The following SHQ1 variants were observed in gnomAD, a reference collection of about 807,000 sequenced individuals.
SHQ1 encodes protein SHQ1 homolog.
SHQ1 carries 49 observed loss-of-function variants against 53.8 expected under a neutral mutation model. That is an observed-to-expected ratio of 0.91 (90% CI 0.72 to 1.16). SHQ1 has a LOEUF of 1.16. Ranked by LOEUF, SHQ1 falls within the 50% of genes most tolerant of loss-of-function variation. The probability of loss-of-function intolerance (pLI) is 0.00; values close to 1 mark genes in which losing one functional copy is unlikely to be tolerated. For synonymous variants in SHQ1, 243 were observed against 251.0 expected, an observed-to-expected ratio of 0.97 and a Z score of 0.30; for missense variants, 738 against 683.1, an observed-to-expected ratio of 1.08 and a Z score of -0.90.
chr3:72,816,244 T>C (rs1012042282), intron 7 of SHQ1, among the ~76,000 whole-genome samples: 3 of 152,138 alleles, frequency 2.0e-5, no homozygotes, highest in African/African-American at 7.2e-5. Flanking sequence ...GTATACACGT[T>C]AGGACCTAAG....
At chr3:72,822,509 T>C (rs1387555436) in intron 6 of SHQ1, among the ~76,000 whole-genome samples, 1 of 152,204 alleles carries the variant, frequency 6.6e-6, no homozygotes. Flanking sequence ...AGTTAGAATT[T>C]AAATCAAAGG....
At chr3:72,847,097 G>C (rs974722726) in intron 1 of SHQ1, among the ~76,000 whole-genome samples, 1 of 152,116 alleles carries the variant, frequency 6.6e-6, no homozygotes, top group African/African-American at 2.4e-5. Context: ...GTACATGAGG[G>C]CAGGACTTTG....
At chr3:72,833,392 G>C (rs1026354401) in intron 4 of SHQ1, among the ~76,000 whole-genome samples, 1 of 152,106 alleles carries the variant, frequency 6.6e-6, no homozygotes, top group African/African-American at 2.4e-5. Flanking sequence ...AGTGAGCCAA[G>C]ATCATGCCAC....
the SHQ1 span, among the ~76,000 whole-genome samples, chr3:72,741,186 C>T: frequency 2.6e-5 from 4 of 152,206 alleles, no homozygotes; most frequent in Admixed American, 6.5e-5. Flanking sequence ...ACCCCACAGT[C>T]GGCCCTTGGG....
chr3:72,792,221 T>TAC (rs1706460317), intron 10 of SHQ1, among the ~76,000 whole-genome samples: 1 of 152,188 alleles, frequency 6.6e-6, no homozygotes, highest in South Asian at 2.1e-4. Context: ...CACATACATC[T>TAC]ACACACACTC....
chr3:72,827,345 A>G (rs1707691468), intron 5 of SHQ1, among the ~76,000 whole-genome samples: 2 of 152,076 alleles, frequency 1.3e-5, no homozygotes, highest in Admixed American at 6.5e-5. Context: ...TAAACCAAGA[A>G]GAGGATAAAA....
intron 5 of SHQ1, among the ~76,000 whole-genome samples, chr3:72,827,936 T>C (rs916711798): frequency 2.0e-5 from 3 of 151,958 alleles, no homozygotes; most frequent in African/African-American, 7.2e-5. Flanking sequence ...TTTGTATTTT[T>C]AGTAGAGATG....
At chr3:72,759,827 G>A (rs1705572909) in intron 10 of SHQ1, among the ~76,000 whole-genome samples, 1 of 152,168 alleles carries the variant, frequency 6.6e-6, no homozygotes, top group Non-Finnish European at 1.5e-5. Context: ...CTCAAAAACA[G>A]CAAAGAATGA....
intron 10 of SHQ1, among the ~76,000 whole-genome samples, chr3:72,784,159 A>G (rs1706155683): frequency 7.0e-6 from 1 of 142,370 alleles, no homozygotes. Flanking sequence ...GATACAAATT[A>G]CAAATTAAAA....
chr3:72,764,606 T>C (rs971081869), intron 10 of SHQ1, among the ~76,000 whole-genome samples: 5 of 152,244 alleles, frequency 3.3e-5, no homozygotes, highest in African/African-American at 1.2e-4. Context: ...ATGGCTAATA[T>C]TTAGTTTCTT....
At chr3:72,813,749 A>C (rs1474316604) in intron 8 of SHQ1, among the ~76,000 whole-genome samples, 5 of 140,988 alleles carry the variant, frequency 3.5e-5, no homozygotes, top group African/African-American at 1.3e-4. Context: ...TGACAGAGCG[A>C]GACACCATCT....
At chr3:72,754,384 C>CTTT (rs376060192) in intron 10 of SHQ1, among the ~76,000 whole-genome samples, 1 of 140,940 alleles carries the variant, frequency 7.1e-6, no homozygotes, top group African/African-American at 2.7e-5. Context: ...TTTTCTTCTT[C>CTTT]TTTTTTTTTT....
At position 72,846,499 on chromosome 3, in the gene SHQ1, T is replaced by C. The variant is rs1015264043; in HGVS notation, c.143+1699A>G. The stretch of plus-strand genomic sequence containing the variant: ...TTTTAGTACAGATGGGGTTTAACCA[T>C]GTTGGTCAGGCCGGTCTCAAACTCC... On this transcript the variant is annotated intron_variant, in intron 1 of 10. Coordinates refer to ENST00000325599, the MANE Select transcript of SHQ1 (RefSeq NM_018130.3). 9.1e-6 allele frequency: 5 copies of C among 551,624 alleles called. No homozygotes were observed. In the African/African-American group the frequency reaches 9.4e-5, roughly 10 times the overall value. 34.2% of individuals were successfully genotyped at this position (551,624 alleles called of 1,614,324 possible). A position where few individuals can be genotyped will look rare whatever the true frequency, so the allele number is the denominator to read the frequency against.
intron 8 of SHQ1, among the ~76,000 whole-genome samples, 171 bp downstream of exon 8, chr3:72,815,179 T>C (rs769006219): frequency 7.2e-5 from 11 of 152,148 alleles, no homozygotes; most frequent in Non-Finnish European, 1.2e-4. Context: ...CAAAGTACTC[T>C]ACCTGGTTCA....
intron 4 of SHQ1, among the ~76,000 whole-genome samples, chr3:72,838,583 C>T (rs1385702124): frequency 6.6e-6 from 1 of 152,204 alleles, no homozygotes; most frequent in African/African-American, 2.4e-5. Context: ...CTCCCTGCAA[C>T]CTCTGCCTCC....
intron 10 of SHQ1, among the ~76,000 whole-genome samples, chr3:72,783,363 C>CT (rs796866861): frequency 0.036 from 4,631 of 129,096 alleles, 138 homozygotes; most frequent in Non-Finnish European, 0.051. Context: ...TTTTTATACA[C>CT]TTTTTTTTTT....
intron 10 of SHQ1, among the ~76,000 whole-genome samples, chr3:72,751,498 G>GTACATA (rs1274696079): frequency 5.0e-5 from 6 of 119,864 alleles, no homozygotes; most frequent in Admixed American, 7.7e-5. Context: ...GTGTGTGTGT[G>GTACATA]TGTGTGTGTG....
intron 9 of SHQ1, among the ~76,000 whole-genome samples, chr3:72,808,422 C>CT (rs1707020058): frequency 1.3e-5 from 2 of 152,154 alleles, no homozygotes; most frequent in African/African-American, 4.8e-5. Flanking sequence ...TGCACAGACT[C>CT]TAAGTTACAC....
chr3:72,742,104 T>TC, the SHQ1 span, among the ~76,000 whole-genome samples: 1 of 151,684 alleles, frequency 6.6e-6, no homozygotes, highest in South Asian at 2.1e-4. Context: ...GCATCTGTAG[T>TC]CCCAGCTACT....
Sources: gnomAD v4.1 joint callset for allele counts (sites outside exome capture counted in the v4.1 genomes callset) on GRCh38, gnomAD v4.1.1 for gene constraint, MANE v1.5 for transcripts, NCBI Gene and HGNC (gene_info 2026-07-23, HGNC 2026-07-21) for gene names.